PLXDC2: variants seen among roughly 807,000 people sequenced by gnomAD.
PLXDC2 encodes the protein plexin domain-containing protein 2.
In PLXDC2, 40 loss-of-function variants were observed where a neutral mutation model predicts 68.9. That is an observed-to-expected ratio of 0.58 (90% CI 0.45 to 0.76). PLXDC2 has a LOEUF of 0.76. Ranked by LOEUF, PLXDC2 falls within the 30% of genes least tolerant of loss-of-function variation. PLXDC2 has a pLI of 0.00. For synonymous variants in PLXDC2, 243 were observed against 234.2 expected, an observed-to-expected ratio of 1.04 and a Z score of -0.34; for missense variants, 644 against 661.9, an observed-to-expected ratio of 0.97 and a Z score of 0.30.
chr10:19,858,590 CT>C (rs1173118823), intron 1 of PLXDC2, among the ~76,000 whole-genome samples: 2 of 152,088 alleles, frequency 1.3e-5, no homozygotes, highest in Non-Finnish European at 2.9e-5. Context: ...AGATTTCTGT[CT>C]TCTTAACATC....
At chr10:19,827,935 G>A (rs1223442473) in intron 1 of PLXDC2, among the ~76,000 whole-genome samples, 1 of 152,138 alleles carries the variant, frequency 6.6e-6, no homozygotes, top group Non-Finnish European at 1.5e-5. Context: ...ATGGAGAGCT[G>A]GGGAGGTTTT....
At chr10:20,217,377 A>G in intron 10 of PLXDC2, 49 bp from the exon 11 acceptor site, 2 of 1,515,598 alleles carry the variant, frequency 1.3e-6, no homozygotes, top group Admixed American at 1.9e-5. Flanking sequence ...AGTTCTAAAA[A>G]TAGATTTGTG....
chr10:20,109,876 C>A (rs940343355), intron 4 of PLXDC2, among the ~76,000 whole-genome samples: 2 of 152,160 alleles, frequency 1.3e-5, no homozygotes, highest in Non-Finnish European at 2.9e-5. Context: ...CAAGTCAGCC[C>A]TCAGCTTGCT....
At chr10:20,161,116 T>C (rs1384429830) in intron 6 of PLXDC2, among the ~76,000 whole-genome samples, 1 of 152,188 alleles carries the variant, frequency 6.6e-6, no homozygotes, top group Non-Finnish European at 1.5e-5. Context: ...TTGATTGATA[T>C]TGCTGTGTAA....
At chr10:20,061,811 T>A (rs548284666) in intron 3 of PLXDC2, among the ~76,000 whole-genome samples, 3 of 152,340 alleles carry the variant, frequency 2.0e-5, no homozygotes, top group African/African-American at 7.2e-5. Flanking sequence ...GAAACATGTC[T>A]AATTGTGATA....
chr10:20,278,551 G>A (rs781673619), intron 13 of PLXDC2, among the ~76,000 whole-genome samples: 8 of 152,052 alleles, frequency 5.3e-5, no homozygotes, highest in Non-Finnish European at 1.2e-4. Flanking sequence ...TAAATTTACG[G>A]CATTCTGACC....
chr10:19,883,525 T>C (rs2131352756), intron 1 of PLXDC2, among the ~76,000 whole-genome samples: 1 of 152,272 alleles, frequency 6.6e-6, no homozygotes, highest in Non-Finnish European at 1.5e-5. Context: ...CATGAGTTTA[T>C]AATGGTTGAC....
At chr10:20,135,994 T>G (rs1488746190) in intron 4 of PLXDC2, among the ~76,000 whole-genome samples, 1 of 152,190 alleles carries the variant, frequency 6.6e-6, no homozygotes, top group Admixed American at 6.5e-5. Context: ...AAAAATCCCT[T>G]CATATATTTT....
intron 6 of PLXDC2, among the ~76,000 whole-genome samples, chr10:20,160,794 T>C (rs1392205428): frequency 6.6e-6 from 1 of 152,160 alleles, no homozygotes; most frequent in Non-Finnish European, 1.5e-5. Flanking sequence ...ACTGGAACAT[T>C]CCAATCTTTC....
chr10:20,036,443 C>A (rs1304722774), intron 2 of PLXDC2, among the ~76,000 whole-genome samples: 3 of 152,168 alleles, frequency 2.0e-5, no homozygotes, highest in African/African-American at 7.2e-5. Flanking sequence ...AACTGTGAGA[C>A]ATAAATTTCT....
At chr10:19,858,671 GAGAAGAA>G (rs1173373731) in intron 1 of PLXDC2, among the ~76,000 whole-genome samples, 2 of 152,224 alleles carry the variant, frequency 1.3e-5, no homozygotes, top group African/African-American at 4.8e-5. Flanking sequence ...GAGAGTCTGG[GAGAAGAA>G]AGTAAGCAGT....
Position 20,262,184 on chromosome 10 carries a change from A to G in PLXDC2, c.1473+16679A>G, listed in dbSNP as rs74803554. On this transcript the variant is annotated intron_variant, in intron 13 of 13. Coordinates refer to ENST00000377252, the MANE Select transcript of PLXDC2 (RefSeq NM_032812.9). ...CAGGGAAAGCACGCTTCTCCCACAG[A>G]TATTTGCACCCACAGGTCATGAGAT... is the stretch of plus-strand genomic sequence containing the variant. 2.0e-5 allele frequency among the ~76,000 whole-genome samples: 3 copies of G among 152,238 alleles called. No homozygotes were observed. The East Asian group carries it at 5.8e-4, about 30-fold the overall frequency.
intron 4 of PLXDC2, among the ~76,000 whole-genome samples, chr10:20,073,574 A>G (rs1324748584): frequency 1.3e-5 from 2 of 152,216 alleles, no homozygotes; most frequent in East Asian, 1.9e-4. Context: ...AAAAGCTTCA[A>G]TCATCCTTAT....
intron 9 of PLXDC2, among the ~76,000 whole-genome samples, chr10:20,203,096 C>G (rs1834942465): frequency 6.6e-6 from 1 of 152,064 alleles, no homozygotes; most frequent in African/African-American, 2.4e-5. Flanking sequence ...CTTTCCTGTC[C>G]TACAGACTCC....
At chr10:20,261,167 T>A (rs1835804480) in intron 13 of PLXDC2, among the ~76,000 whole-genome samples, 1 of 152,222 alleles carries the variant, frequency 6.6e-6, no homozygotes, top group Admixed American at 6.5e-5. Flanking sequence ...TTGTTACTTG[T>A]TTGCTGTATA....
chr10:19,863,543 C>T (rs10764172), intron 1 of PLXDC2, among the ~76,000 whole-genome samples: 35,777 of 152,084 alleles, frequency 0.24, 4,877 homozygotes, highest in African/African-American at 0.39. Flanking sequence ...AAGTGTGACA[C>T]GCAGCACTTC....
At chr10:20,121,411 T>C (rs924358390) in intron 4 of PLXDC2, among the ~76,000 whole-genome samples, 2 of 152,112 alleles carry the variant, frequency 1.3e-5, no homozygotes, top group Non-Finnish European at 2.9e-5. Flanking sequence ...TTTGGGAGAT[T>C]AATCGGACAC....
chr10:20,042,966 T>C lies in PLXDC2; in HGVS notation c.325-3903T>C, dbSNP rs567447143. On this transcript the variant is annotated intron_variant, in intron 2 of 13. Transcript: ENST00000377252. Reference sequence around the variant, plus strand: ...AACTAGGCATATCACAGTAGTGCTTTGTTTTATTTTCTATGGTGTTAGAAA... The same window carrying C: ...AACTAGGCATATCACAGTAGTGCTTCGTTTTATTTTCTATGGTGTTAGAAA... Among the ~76,000 whole-genome samples, 33 of 152,334 alleles carry C rather than the reference T, an allele frequency of 2.2e-4. No homozygotes were observed. In the South Asian group the frequency reaches 6.6e-3, roughly 31 times the overall value.
At chr10:20,184,568 G>T (rs1834654454) in intron 9 of PLXDC2, among the ~76,000 whole-genome samples, 1 of 151,318 alleles carries the variant, frequency 6.6e-6, no homozygotes, top group Non-Finnish European at 1.5e-5. Flanking sequence ...TCTTACATAG[G>T]GGCAGCTAAT....
Sources: gnomAD v4.1 joint callset for allele counts (sites outside exome capture counted in the v4.1 genomes callset) on GRCh38, gnomAD v4.1.1 for gene constraint, MANE v1.5 for transcripts, NCBI Gene and HGNC (gene_info 2026-07-23, HGNC 2026-07-21) for gene names.